The following TMEM269 variants were observed in gnomAD, a reference collection of about 807,000 sequenced individuals.
TMEM269 encodes transmembrane protein 269.
TMEM269 carries 12 observed loss-of-function variants against 15.8 expected under a neutral mutation model. The ratio of observed to expected loss-of-function variants is 0.76; its 90% CI spans 0.49 to 1.23. The LOEUF (loss-of-function observed/expected upper bound fraction) is 1.23, where lower values mean the gene tolerates loss of function less well. TMEM269 is among the 50% of genes most tolerant of loss of function. The pLI is 0.00. For missense variants in TMEM269, 211 were observed against 245.4 expected (o/e 0.86, Z 0.94); for synonymous variants, 93 against 99.3 (o/e 0.94, Z 0.38).
In TMEM269 at chr1:42,794,450, T is replaced by C; in HGVS notation, c.321T>C (p.Tyr107=). 2 of 1,550,634 alleles carry C rather than the reference T, an allele frequency of 1.3e-6. No homozygotes were observed. The highest frequency in any genetic ancestry group is 1.7e-6 in the Non-Finnish European group (2 of 1,147,000). Reference sequence around the variant, plus strand: ...CATACAAGGGTCTACCCTGCCCCTATGCTTCCTGCATCTTGGCTTCCACCT... The same window carrying C: ...CATACAAGGGTCTACCCTGCCCCTACGCTTCCTGCATCTTGGCTTCCACCT... ...PSTYKGLPCP[Y]ASCILASTSL... Residue 107 remains tyrosine (Y), a synonymous_variant, in exon 5 of 6, where the codon TAT becomes TAC. Transcript: ENST00000637012.
Position 42,793,590 on chromosome 1 carries a change from G to C in TMEM269, c.140-11G>C. ...GTATAAGTTCTTCTAACCTTGGGCCGTCTGGGGCAGGAGCCGAGCTGAATG... is the reference window on the plus strand; with the variant it reads ...GTATAAGTTCTTCTAACCTTGGGCCCTCTGGGGCAGGAGCCGAGCTGAATG... On this transcript the variant is annotated splice_polypyrimidine_tract_variant and intron_variant, in intron 3 of 5. Coordinates refer to ENST00000637012, the MANE Select transcript of TMEM269 (RefSeq NM_001354602.2). 1.3e-6 allele frequency: 2 copies of C among 1,547,352 alleles called. No homozygotes were observed. The highest frequency in any genetic ancestry group is 1.7e-6 in the Non-Finnish European group (2 of 1,145,518).
At position 42,791,724 on chromosome 1, in the gene TMEM269, G is replaced by T. The variant is rs12091144; in HGVS notation, c.42-1081G>T. ...AAAAGTAAAAAGTAAAAATCAGGCC[G>T]GGCGCAGTGGCACATGCCTGTAGTT... On this transcript the variant is annotated intron_variant, in intron 2 of 5. Transcript: ENST00000637012. Among the ~76,000 whole-genome samples the T allele has an allele frequency of 2.0e-5, 3 of 152,282 alleles. No homozygotes were observed. The East Asian group carries it at 5.8e-4, about 29-fold the overall frequency.
intron 1 of TMEM269, chr1:42,789,390 T>C (rs1157972968): frequency 1.3e-6 from 2 of 1,520,694 alleles, no homozygotes; most frequent in Admixed American, 3.9e-5. Flanking sequence ...ACTACTTCTC[T>C]CTCAAGCCAA....
chr1:42,789,793 C>G lies in TMEM269; in HGVS notation c.-98-3C>G. On this transcript the variant is annotated splice_polypyrimidine_tract_variant and splice_region_variant and intron_variant, in intron 1 of 5. Coordinates refer to ENST00000637012, the MANE Select transcript of TMEM269 (RefSeq NM_001354602.2). ...CCCTTCGCCCCTCTCTCTTGGGCCC[C>G]AGGTAAGGGTACCAGTTTCTTCCTG... The G allele has an allele frequency of 6.8e-7, 1 of 1,478,524 alleles. No individual in the cohort carries two copies. Among genetic ancestry groups the G allele is most frequent in the East Asian group, 2.5e-5 (1 of 40,552 alleles). The allele number at this position is 1,478,524 out of a possible 1,614,324, so 91.6% of individuals were successfully genotyped here. A position where few individuals can be genotyped will look rare whatever the true frequency, so the allele number is the denominator to read the frequency against.
chr1:42,789,040 A>C (rs933238000), intron 1 of TMEM269, among the ~76,000 whole-genome samples: 3 of 150,990 alleles, frequency 2.0e-5, no homozygotes, highest in African/African-American at 7.3e-5. Context: ...CTCCTGCCTC[A>C]GCCTCCTGAG....
intron 1 of TMEM269, among the ~76,000 whole-genome samples, chr1:42,789,036 C>T (rs897970100): frequency 6.6e-6 from 1 of 151,802 alleles, no homozygotes; most frequent in Non-Finnish European, 1.5e-5. Context: ...GATTCTCCTG[C>T]CTCAGCCTCC....
chr1:42,795,690 G>A (rs556941275), intron 5 of TMEM269, among the ~76,000 whole-genome samples: 5 of 152,168 alleles, frequency 3.3e-5, no homozygotes, highest in Admixed American at 6.5e-5. Context: ...CCTTGCAGAC[G>A]TCTCCCTAGA....
chr1:42,797,799 T>C lies in TMEM269; in HGVS notation c.485-299T>C. On this transcript the variant is annotated intron_variant, in intron 5 of 5. Coordinates refer to ENST00000637012, the MANE Select transcript of TMEM269 (RefSeq NM_001354602.2). The surrounding 1 kb of genome is among the most constrained non-coding windows in gnomAD (Gnocchi z 4.9). ...TTTTCCTAACAAGGGTTTTTGGTTT[T>C]TGTCTTGGTTTGTTTTGTTTTCCCT... 1.8e-6 allele frequency: 1 copy of C among 547,272 alleles called. No individual in the cohort carries two copies. The highest frequency in any genetic ancestry group is 1.9e-5 in the African/African-American group (1 of 52,994). The allele number at this position is 547,272 out of a possible 1,614,324, so 33.9% of individuals were successfully genotyped here. A position where few individuals can be genotyped will look rare whatever the true frequency, so the allele number is the denominator to read the frequency against.
intron 1 of TMEM269, among the ~76,000 whole-genome samples, chr1:42,785,393 C>A (rs75712198): frequency 0.019 from 2,818 of 152,232 alleles, 99 homozygotes; most frequent in African/African-American, 0.065. Context: ...TGGTTTCACT[C>A]CGCGGAGGCG....
At chr1:42,790,261 C>T (rs1448399993) in intron 2 of TMEM269, among the ~76,000 whole-genome samples, 1 of 152,180 alleles carries the variant, frequency 6.6e-6, no homozygotes, top group Non-Finnish European at 1.5e-5. Flanking sequence ...TAGCACTGTT[C>T]TGGGAGGTCC....
rs1391431773 is a variant in TMEM269, at chr1:42,793,496, A to T, written c.140-105A>T. 4 of 1,154,888 alleles carry T rather than the reference A, an allele frequency of 3.5e-6. No homozygotes were observed. In the East Asian group the frequency reaches 8.2e-5, roughly 24 times the overall value. 71.5% of individuals were successfully genotyped at this position (1,154,888 alleles called of 1,614,324 possible). A position where few individuals can be genotyped will look rare whatever the true frequency, so the allele number is the denominator to read the frequency against. ...AGGGGAGCAGCTGTTGCTTTCTGTG[A>T]CCTCAGGACCCCTCTTATCACTACC... On this transcript the variant is annotated intron_variant, in intron 3 of 5. Transcript: ENST00000637012.
rs1449276006 is a variant in TMEM269 at position 42,797,552 on chromosome 1, C to G, written c.485-546C>G. 6.6e-6 allele frequency among the ~76,000 whole-genome samples: 1 copy of G among 152,174 alleles called. No individual in the cohort carries two copies. Among genetic ancestry groups the G allele is most frequent in the African/African-American group, 2.4e-5 (1 of 41,440 alleles). On this transcript the variant is annotated intron_variant, in intron 5 of 5. Transcript: ENST00000637012. This position sits in a 1 kb window ranked among gnomAD's most constrained non-coding sequence, Gnocchi z 4.9. ...TTACCACCGTGCTTATATGGACAGT[C>G]TAGGAACAGTGAGACACTCTTATCA...
In TMEM269 at chr1:42,792,869, A is replaced by C. The variant is rs1183374891; in HGVS notation, c.106A>C (p.Met36Leu). The C allele has an allele frequency of 1.9e-6, 3 of 1,550,506 alleles. No individual in the cohort carries two copies. The Admixed American group carries it at 5.9e-5, about 30-fold the overall frequency. The change falls in exon 3 of 6, where the codon ATG becomes CTG. Residue 36 changes from methionine (M) to leucine (L), a missense_variant. Physicochemically the swap from Met to Leu is conservative, Grantham distance 15. Transcript: ENST00000637012. Reference protein sequence around the residue: ...SFLLDMAVRAMTSHINICSKL... With the variant: ...SFLLDMAVRALTSHINICSKL... ...CCTGTTAGACATGGCAGTCAGGGCA[A>C]TGACCAGCCACATCAACATATGCTC...
intron 2 of TMEM269, among the ~76,000 whole-genome samples, chr1:42,792,475 T>G (rs999734136): frequency 1.3e-5 from 2 of 152,102 alleles, no homozygotes; most frequent in Admixed American, 1.3e-4. Context: ...GACTAGAACC[T>G]AGGTCCCCTG....
intron 3 of TMEM269, among the ~76,000 whole-genome samples, chr1:42,793,120 C>T (rs1653729555): frequency 1.3e-5 from 2 of 152,186 alleles, no homozygotes; most frequent in Non-Finnish European, 2.9e-5. Flanking sequence ...GACCTTTGGG[C>T]AGTCCTTGTC....
At position 42,797,947 on chromosome 1, in the gene TMEM269, T is replaced by C; in HGVS notation, c.485-151T>C. 1 of 854,382 alleles carries C rather than the reference T, an allele frequency of 1.2e-6. No individual in the cohort carries two copies. Among genetic ancestry groups the C allele is most frequent in the Non-Finnish European group, 1.9e-6 (1 of 515,846 alleles). 52.9% of individuals were successfully genotyped at this position (854,382 alleles called of 1,614,324 possible). ...TTACCTATCTCTATTAAACTGAACT[T>C]GAAGACAGGGCTCCTGTCTCTTTCT... On this transcript the variant is annotated intron_variant, in intron 5 of 5. Transcript: ENST00000637012. The surrounding 1 kb of genome is among the most constrained non-coding windows in gnomAD (Gnocchi z 4.9).
rs185515455 is a variant in TMEM269, at chr1:42,791,928, G to A, written c.42-877G>A. 7.7e-4 allele frequency among the ~76,000 whole-genome samples: 117 copies of A among 152,280 alleles called. No homozygotes were observed. In the East Asian group the frequency reaches 0.02, roughly 26 times the overall value. On this transcript the variant is annotated intron_variant, in intron 2 of 5. Transcript: ENST00000637012. ...GAGGCAAGAGAATCACTTGAACCTGGGAGGCGGAGGTTGCAGTGAGTGGAG... is the reference window on the plus strand; with the variant it reads ...GAGGCAAGAGAATCACTTGAACCTGAGAGGCGGAGGTTGCAGTGAGTGGAG...
chr1:42,793,035 C>T (rs1653727731), intron 3 of TMEM269, 133 bp downstream of exon 3: 5 of 711,928 alleles, frequency 7.0e-6, no homozygotes, highest in Non-Finnish European at 1.2e-5. Context: ...CTGAGAGCAG[C>T]AGCAGCAGCA....
intron 5 of TMEM269, among the ~76,000 whole-genome samples, chr1:42,795,621 T>C (rs1264341215): frequency 6.6e-6 from 1 of 152,116 alleles, no homozygotes; most frequent in East Asian, 1.9e-4. Context: ...ACTCTTAGGG[T>C]TGGGTTTGAA....
Sources: allele counts gnomAD v4.1 joint callset (sites outside exome capture counted in the v4.1 genomes callset), GRCh38; gene constraint gnomAD v4.1.1; non-coding constraint Gnocchi (gnomAD v3.1); transcripts MANE v1.5; gene names NCBI Gene and HGNC (gene_info 2026-07-23, HGNC 2026-07-21).